Variants in ARHGAP6 observed in about 807,000 individuals in gnomAD.
The protein encoded by ARHGAP6 is rho GTPase-activating protein 6.
ARHGAP6 carries 16 observed loss-of-function variants against 55.7 expected under a neutral mutation model. The ratio of observed to expected loss-of-function variants is 0.29; its 90% confidence interval spans 0.19 to 0.44. The LOEUF is 0.44. Among genes scored for constraint, ARHGAP6 ranks in the 20% least tolerant of loss-of-function variants. The pLI is 1.00. For synonymous variants in ARHGAP6, 382 were observed against 360.9 expected, an observed-to-expected ratio of 1.06 and a Z score of -0.66; for missense variants, 698 against 808.9, an observed-to-expected ratio of 0.86 and a Z score of 1.66.
chrX:11,263,410 C>T (rs1211678378), intron 1 of ARHGAP6, among the ~76,000 whole-genome samples: 1 of 111,436 alleles, frequency 9.0e-6, no homozygotes, highest in Non-Finnish European at 1.9e-5. Context: ...TTATAAATTA[C>T]GCAGTCTCAG....
rs764352726 is a variant in ARHGAP6, at chrX:11,216,879, C to T, written c.749-19883G>A. 9.1e-4 allele frequency among the ~76,000 whole-genome samples: 100 copies of T among 110,171 alleles called. 1 individual carries two copies. Among genetic ancestry groups the T allele is most frequent in the Non-Finnish European group, 1.7e-3 (89 of 52,766 alleles). On this transcript the variant is annotated intron_variant, in intron 2 of 12. Coordinates refer to ENST00000337414, the MANE Select transcript of ARHGAP6 (RefSeq NM_013427.3). ...TATCCCTCCCCTAGCCCTCCACCCC[C>T]GACAGGCCCCAGTGTGTTATGTTCC...
intron 1 of ARHGAP6, among the ~76,000 whole-genome samples, chrX:11,559,776 A>C (rs1223538422): frequency 9.2e-6 from 1 of 108,842 alleles, no homozygotes; most frequent in Non-Finnish European, 1.9e-5. Flanking sequence ...AAATACAAAA[A>C]AAGTAGCCAG....
chrX:11,352,537 T>C (rs1286142279), intron 1 of ARHGAP6, among the ~76,000 whole-genome samples: 4 of 111,974 alleles, frequency 3.6e-5, no homozygotes, highest in African/African-American at 1.3e-4. Flanking sequence ...CTTAAGTCAG[T>C]TGATCAAAGT....
At chrX:11,470,433 A>G (rs754534413) in intron 1 of ARHGAP6, among the ~76,000 whole-genome samples, 15 of 112,317 alleles carry the variant, frequency 1.3e-4, no homozygotes, top group African/African-American at 4.8e-4. Context: ...TGTAAGTATT[A>G]TTGGAAGGCA....
At chrX:11,644,515 G>A (rs894391677) in intron 1 of ARHGAP6, among the ~76,000 whole-genome samples, 1 of 110,602 alleles carries the variant, frequency 9.0e-6, no homozygotes, top group Non-Finnish European at 1.9e-5. Flanking sequence ...TTAAAAAATG[G>A]GCAAAGGTCT....
At chrX:11,518,462 CTTTT>C (rs368595944) in intron 1 of ARHGAP6, among the ~76,000 whole-genome samples, 1 of 74,911 alleles carries the variant, frequency 1.3e-5, no homozygotes, top group African/African-American at 5.2e-5. Context: ...TTTTTTTTTT[CTTTT>C]TTTTTTTTTT....
intron 1 of ARHGAP6, among the ~76,000 whole-genome samples, chrX:11,447,163 A>C (rs756466431): frequency 8.9e-6 from 1 of 111,945 alleles, no homozygotes; most frequent in African/African-American, 3.2e-5. Flanking sequence ...TCTTCAAGGG[A>C]GTAAGTTAAG....
intron 1 of ARHGAP6, among the ~76,000 whole-genome samples, chrX:11,436,184 C>G (rs1486747580): frequency 8.9e-6 from 1 of 112,456 alleles, no homozygotes; most frequent in Non-Finnish European, 1.9e-5. Context: ...GCAAAATAAA[C>G]TTAGCCACTT....
chrX:11,323,965 T>A (rs1205506013), intron 1 of ARHGAP6, among the ~76,000 whole-genome samples: 4 of 108,572 alleles, frequency 3.7e-5, no homozygotes, highest in Non-Finnish European at 7.6e-5. Flanking sequence ...AGGAAAAAAA[T>A]TCATCTTGTT....
intron 1 of ARHGAP6, among the ~76,000 whole-genome samples, chrX:11,645,037 G>T (rs1213722296): frequency 8.9e-6 from 1 of 111,939 alleles, no homozygotes; most frequent in Non-Finnish European, 1.9e-5. Flanking sequence ...AATGCAACAA[G>T]TTGGACAAAT....
In ARHGAP6 at chrX:11,139,437, TGCCACCGAG is replaced by T; in HGVS notation, c.2342_2350del (p.Pro781_Trp783del). ...GCTGTCCAGCTCTGCGGGGCTCCCC[TGCCACCGAG>T]GCCAATTTGGGGACAGGTTCCCTTG... On this transcript the variant is annotated inframe_deletion, in exon 13 of 13. Transcript: ENST00000337414. 8.4e-7 allele frequency: 1 copy of T among 1,187,209 alleles called. No homozygotes were observed. The highest frequency in any genetic ancestry group is 1.1e-6 in the Non-Finnish European group (1 of 885,921).
chrX:11,520,179 T>TATA (rs1307291101), intron 1 of ARHGAP6, among the ~76,000 whole-genome samples: 10 of 40,062 alleles, frequency 2.5e-4, no homozygotes, highest in Non-Finnish European at 4.0e-4. Context: ...ATATATATAT[T>TATA]ACTTTAAGTT....
intron 1 of ARHGAP6, among the ~76,000 whole-genome samples, chrX:11,360,015 T>C (rs1168451675): frequency 9.0e-6 from 1 of 111,452 alleles, no homozygotes; most frequent in Non-Finnish European, 1.9e-5. Flanking sequence ...CAATAATCAA[T>C]AGCTTACCAA....
intron 1 of ARHGAP6, among the ~76,000 whole-genome samples, chrX:11,537,801 T>C (rs2051118546): frequency 8.9e-6 from 1 of 112,317 alleles, no homozygotes; most frequent in South Asian, 3.7e-4. Context: ...GAACACATTC[T>C]ATTAGCTATC....
intron 1 of ARHGAP6, among the ~76,000 whole-genome samples, chrX:11,340,306 A>T (rs914345197): frequency 8.9e-6 from 1 of 111,891 alleles, no homozygotes; most frequent in South Asian, 3.8e-4. Flanking sequence ...TCTTTTGTAC[A>T]TACTGTTCCC....
chrX:11,483,079 A>C (rs1361658439), intron 1 of ARHGAP6, among the ~76,000 whole-genome samples: 1 of 111,913 alleles, frequency 8.9e-6, no homozygotes, highest in Non-Finnish European at 1.9e-5. Context: ...ACACAGTCGA[A>C]GGCAGAACTC....
intron 1 of ARHGAP6, among the ~76,000 whole-genome samples, chrX:11,424,672 C>G (rs1037193751): frequency 8.9e-5 from 10 of 111,971 alleles, no homozygotes; most frequent in Non-Finnish European, 1.9e-4. Flanking sequence ...ATCCTCACTC[C>G]ATACTGGGAT....
At chrX:11,199,310 A>G (rs182742216) in intron 2 of ARHGAP6, among the ~76,000 whole-genome samples, 299 of 112,189 alleles carry the variant, frequency 2.7e-3, no homozygotes, top group Non-Finnish European at 4.3e-3. Flanking sequence ...GGTGGTTCTT[A>G]AAATGTAGTT....
intron 1 of ARHGAP6, among the ~76,000 whole-genome samples, chrX:11,432,756 G>C: frequency 9.0e-6 from 1 of 111,645 alleles, no homozygotes; most frequent in Middle Eastern, 4.6e-3. Context: ...TGTAAGTGAA[G>C]GACCTACCAG....
Sources: allele counts gnomAD v4.1 joint callset (sites outside exome capture counted in the v4.1 genomes callset), GRCh38; gene constraint gnomAD v4.1.1; transcripts MANE v1.5; gene names NCBI Gene and HGNC (gene_info 2026-07-23, HGNC 2026-07-21).